The following NBEAL1 variants were observed in gnomAD, a reference collection of about 807,000 sequenced individuals.
The protein encoded by NBEAL1 is neurobeachin-like protein 1.
Under a neutral mutation model 351.3 loss-of-function variants are expected in NBEAL1, and 273 were observed. The observed-to-expected ratio is 0.78, with a 90% CI of 0.70 to 0.86. The LOEUF (loss-of-function observed/expected upper bound fraction) is 0.86, where lower values mean the gene tolerates loss of function less well. Among genes scored for constraint, NBEAL1 ranks in the 40% least tolerant of loss-of-function variants. The pLI, the probability that NBEAL1 is intolerant of heterozygous loss-of-function variation, is 0.00. For synonymous variants in NBEAL1, 1,050 were observed against 1,086.4 expected (o/e 0.97, Z 0.66); for missense variants, 2,961 against 3,201.3 (o/e 0.92, Z 1.81).
intron 9 of NBEAL1, 116 bp downstream of exon 9, chr2:203,083,641 T>G (rs1246527690): frequency 6.5e-6 from 5 of 766,416 alleles, no homozygotes; most frequent in Non-Finnish European, 1.0e-5. Context: ...AATTCAGATA[T>G]CATATGACTG....
At position 203,136,617 on chromosome 2, in the gene NBEAL1, C is replaced by A. The variant is rs748728442; in HGVS notation, c.4408C>A (p.Leu1470Ile). 1 of 1,610,302 alleles carries A rather than the reference C, an allele frequency of 6.2e-7. No homozygotes were observed. Among genetic ancestry groups the A allele is most frequent in the East Asian group, 2.2e-5 (1 of 44,790 alleles). Residue 1470 changes from leucine to isoleucine, a missense_variant, in exon 29 of 56, where the codon CTT becomes ATT. Leu to Ile is a conservative substitution (Grantham distance 5). Coordinates refer to ENST00000683969, the MANE Select transcript of NBEAL1 (RefSeq NM_001378026.1). Reference sequence around the variant, plus strand: ...TCCATAGAGATGTGAGGAGGAGCTTCTTCAATTACTGACACATATTTTGAA... The same window carrying A: ...TCCATAGAGATGTGAGGAGGAGCTTATTCAATTACTGACACATATTTTGAA... ...ESQERCEEEL[L>I]QLLTHILNYV...
At chr2:203,077,625 T>A in intron 7 of NBEAL1, 127 bp from the exon 8 acceptor site, 1 of 493,796 alleles carries the variant, frequency 2.0e-6, no homozygotes, top group Non-Finnish European at 3.3e-6. Flanking sequence ...CATATCAACC[T>A]TGGCTTTTAA....
At chr2:203,066,585 C>A (rs1307903938) in intron 6 of NBEAL1, among the ~76,000 whole-genome samples, 2 of 152,242 alleles carry the variant, frequency 1.3e-5, no homozygotes, top group African/African-American at 4.8e-5. Flanking sequence ...TCAATGGTCG[C>A]TGTCTCTTTG....
intron 10 of NBEAL1, among the ~76,000 whole-genome samples, chr2:203,095,499 G>GGCC (rs1160847670): frequency 1.3e-5 from 2 of 151,898 alleles, no homozygotes; most frequent in Non-Finnish European, 2.9e-5. Context: ...TCCCCATGTT[G>GGCC]AGGCTGGTCT....
At chr2:203,028,432 A>C (rs2060896324) in intron 2 of NBEAL1, among the ~76,000 whole-genome samples, 1 of 152,106 alleles carries the variant, frequency 6.6e-6, no homozygotes, top group East Asian at 1.9e-4. Flanking sequence ...TGAAAAATAC[A>C]GGTATGCAGG....
chr2:203,136,005 A>T lies in NBEAL1; in HGVS notation c.4142A>T (p.Glu1381Val). 2 of 1,613,644 alleles carry T rather than the reference A, an allele frequency of 1.2e-6. No individual in the cohort carries two copies. Among genetic ancestry groups the T allele is most frequent in the Non-Finnish European group, 1.7e-6 (2 of 1,179,734 alleles). Residue 1381 changes from glutamate to valine, a missense_variant, in exon 28 of 56, where the codon GAA becomes GTA. Physicochemically the swap from Glu to Val is moderately radical, Grantham distance 121. Transcript: ENST00000683969. ...TTTCCAGAAGATAGCTCTGTGGGAG[A>T]ATTGTCTTTCAAATCAGAGAATCAA... is the stretch of plus-strand genomic sequence containing the variant. ...PLFPEDSSVG[E>V]LSFKSENQEE...
chr2:203,132,501 G>T, intron 26 of NBEAL1, among the ~76,000 whole-genome samples: 2 of 152,002 alleles, frequency 1.3e-5, no homozygotes, highest in Non-Finnish European at 2.9e-5. Flanking sequence ...CTGGTTTTTT[G>T]GTTTTTCTTT....
intron 42 of NBEAL1, 145 bp from the exon 43 acceptor site, chr2:203,180,237 A>C (rs1258584758): frequency 1.7e-6 from 1 of 583,186 alleles, no homozygotes; most frequent in African/African-American, 1.9e-5. Context: ...AAGGAGAGTA[A>C]ATTGTACATG....
At chr2:203,161,684 A>T (rs1024538935) in intron 36 of NBEAL1, among the ~76,000 whole-genome samples, 1 of 146,500 alleles carries the variant, frequency 6.8e-6, no homozygotes, top group Non-Finnish European at 1.5e-5. Context: ...AATAAATAAA[A>T]GCCAGCATGG....
intron 31 of NBEAL1, among the ~76,000 whole-genome samples, chr2:203,139,520 G>A (rs911081850): frequency 4.2e-5 from 6 of 143,202 alleles, no homozygotes; most frequent in African/African-American, 1.3e-4. Flanking sequence ...AGAACATGGA[G>A]AGGTTAAAAT....
At chr2:203,163,070 T>C (rs2064018387) in intron 36 of NBEAL1, among the ~76,000 whole-genome samples, 1 of 152,166 alleles carries the variant, frequency 6.6e-6, no homozygotes, top group Non-Finnish European at 1.5e-5. Flanking sequence ...GGCAGGGGAA[T>C]CTCTTGAACC....
chr2:203,107,628 T>C lies in NBEAL1; in HGVS notation c.1389T>C (p.Thr463=). The C allele has an allele frequency of 1.3e-6, 2 of 1,552,102 alleles. No individual in the cohort carries two copies. Among genetic ancestry groups the C allele is most frequent in the Non-Finnish European group, 1.7e-6 (2 of 1,146,980 alleles). Residue 463 remains threonine, a synonymous_variant, in exon 14 of 56, where the codon ACT becomes ACC. Coordinates refer to ENST00000683969, the MANE Select transcript of NBEAL1 (RefSeq NM_001378026.1). The part of the protein sequence containing the change: ...LMNMAVEGDH[T]SVGILGISNV... Reference sequence around the variant, plus strand: ...TTCAGGCTGTAGAGGGTGACCACACTTCAGTTGGGATTTTGGGCATTAGTA... The same window carrying C: ...TTCAGGCTGTAGAGGGTGACCACACCTCAGTTGGGATTTTGGGCATTAGTA...
intron 10 of NBEAL1, 73 bp downstream of exon 10, chr2:203,084,642 A>G: frequency 1.3e-6 from 1 of 790,614 alleles, no homozygotes; most frequent in Non-Finnish European, 1.9e-6. Flanking sequence ...TTCACATTTG[A>G]ACATATTTTT....
chr2:203,105,743 T>A (rs1415599740), intron 12 of NBEAL1, among the ~76,000 whole-genome samples: 2 of 152,160 alleles, frequency 1.3e-5, no homozygotes, highest in Non-Finnish European at 2.9e-5. Context: ...CAAACCCCTA[T>A]AGGCACTGCT....
intron 44 of NBEAL1, 26 bp from the exon 45 acceptor site, chr2:203,188,442 TATTA>T (rs1388352836): frequency 8.3e-7 from 1 of 1,206,552 alleles, no homozygotes; most frequent in East Asian, 2.6e-5. Flanking sequence ...GATATCTCTA[TATTA>T]ATTATTAAAT....
At chr2:203,208,248 C>A (rs186920742) in intron 51 of NBEAL1, among the ~76,000 whole-genome samples, 2 of 151,650 alleles carry the variant, frequency 1.3e-5, no homozygotes, top group African/African-American at 4.8e-5. Context: ...TTCATGCCAC[C>A]GCACTCCAGC....
intron 18 of NBEAL1, among the ~76,000 whole-genome samples, chr2:203,120,788 AG>A (rs955099208): frequency 3.9e-5 from 6 of 152,284 alleles, no homozygotes; most frequent in African/African-American, 1.4e-4. Flanking sequence ...TACCATTAGG[AG>A]ATTATTCTGT....
At chr2:203,109,827 T>G (rs184048579) in intron 14 of NBEAL1, among the ~76,000 whole-genome samples, 77 of 152,322 alleles carry the variant, frequency 5.1e-4, no homozygotes, top group East Asian at 2.3e-3. Context: ...GCCTATATCT[T>G]GTGATTTTAA....
At chr2:203,126,455 A>G (rs2062938508) in intron 21 of NBEAL1, 102 bp from the exon 22 acceptor site, 5 of 971,088 alleles carry the variant, frequency 5.1e-6, no homozygotes, top group African/African-American at 1.7e-5. Context: ...GGGTTTTTCT[A>G]TTTTTATACT....
Sources: gnomAD v4.1 joint callset for allele counts (sites outside exome capture counted in the v4.1 genomes callset) on GRCh38, gnomAD v4.1.1 for gene constraint, MANE v1.5 for transcripts, NCBI Gene and HGNC (gene_info 2026-07-23, HGNC 2026-07-21) for gene names.